Variants in CRBN observed in about 807,000 individuals in gnomAD.
CRBN encodes the protein cereblon.
In CRBN, 53 loss-of-function variants were observed where a neutral mutation model predicts 62.2. That is an observed-to-expected ratio of 0.85 (90% CI 0.68 to 1.07). The LOEUF is 1.07. Among genes scored for constraint, CRBN ranks in the 50% least tolerant of loss-of-function variants. CRBN has a pLI of 0.00. For synonymous variants in CRBN, 208 were observed against 176.1 expected (o/e 1.18, Z -1.43); for missense variants, 616 against 531.1 (o/e 1.16, Z -1.57).
intron 1 of CRBN, among the ~76,000 whole-genome samples, chr3:3,177,833 T>A (rs1444513208): frequency 6.6e-6 from 1 of 152,180 alleles, no homozygotes; most frequent in Non-Finnish European, 1.5e-5. Flanking sequence ...AATATAAAGC[T>A]TTTTGTTGGA....
rs368143450 is a variant in CRBN at position 3,170,322 on chromosome 3, A to C, written c.527+2454T>G. Reference sequence around the variant, plus strand: ...AATAAATGAAGTGTCATTTAGGTAAAAGATGGATATTTATATTTTTTAATT... The same window carrying C: ...AATAAATGAAGTGTCATTTAGGTAACAGATGGATATTTATATTTTTTAATT... On this transcript the variant is annotated intron_variant, in intron 4 of 10. Transcript: ENST00000231948. Among the ~76,000 whole-genome samples, 106 of 152,326 alleles carry C rather than the reference A, an allele frequency of 7.0e-4. 3 individuals carry two copies. The South Asian group carries it at 0.021, about 31-fold the overall frequency.
At chr3:3,153,875 C>G (rs564936908) in intron 8 of CRBN, 85 bp downstream of exon 8, 5 of 816,234 alleles carry the variant, frequency 6.1e-6, no homozygotes, top group Non-Finnish European at 1.1e-5. Context: ...GGACTCTATA[C>G]AGAGCTCCAT....
At chr3:3,170,187 G>C (rs1044886363) in intron 4 of CRBN, among the ~76,000 whole-genome samples, 1 of 152,116 alleles carries the variant, frequency 6.6e-6, no homozygotes, top group Admixed American at 6.6e-5. Flanking sequence ...CACCATGTTG[G>C]CCAAGCTGGT....
chr3:3,153,937 A>G, intron 8 of CRBN, 23 bp downstream of exon 8: 1 of 1,449,362 alleles, frequency 6.9e-7, no homozygotes, highest in Non-Finnish European at 9.7e-7. Flanking sequence ...CATGGGCATC[A>G]AAAACATATT....
Position 3,152,484 on chromosome 3 carries a change from G to A in CRBN, c.1120C>T (p.Pro374Ser). The A allele has an allele frequency of 1.2e-6, 2 of 1,613,826 alleles. No individual in the cohort carries two copies. Among genetic ancestry groups the A allele is most frequent in the Non-Finnish European group, 1.7e-6 (2 of 1,179,942 alleles). The stretch of plus-strand genomic sequence containing the variant: ...GGAAACCAGCTGTGTTCTGTAGAAG[G>A]CCGGCCTATCAGATTCAAGTTGCAA... ...KACNLNLIGRPSTEHSWFPGY... is the reference protein window; with the variant it reads ...KACNLNLIGRSSTEHSWFPGY... The change falls in exon 10 of 11, where the codon CCT becomes TCT. Residue 374 changes from proline (P) to serine (S), a missense_variant. Transcript: ENST00000231948.
chr3:3,172,209 TA>T (rs1273240180), intron 4 of CRBN: 1 of 154,094 alleles, frequency 6.5e-6, no homozygotes, highest in African/African-American at 2.4e-5. Flanking sequence ...ATTTATTATG[TA>T]AATAGCATTT....
chr3:3,169,826 C>G (rs1707524085), intron 4 of CRBN, among the ~76,000 whole-genome samples: 1 of 151,988 alleles, frequency 6.6e-6, no homozygotes, highest in African/African-American at 2.4e-5. Flanking sequence ...ATATCAATCC[C>G]CTCCTCCTCT....
At position 3,152,150 on chromosome 3, in the gene CRBN, A is replaced by ATTTTTTTTTTTTTTTTTTTTTTTTTT; in HGVS notation, c.1148+305_1148+306insAAAAAAAAAAAAAAAAAAAAAAAAAA. On this transcript the variant is annotated intron_variant, in intron 10 of 10. Transcript: ENST00000231948. ...TGTGGAATGAAGGACATTTAAATAA[A>ATTTTTTTTTTTTTTTTTTTTTTTTTT]TTTTTTTTTTTTTTTAAATAGACAG... 1.4e-5 allele frequency among the ~76,000 whole-genome samples: 2 copies of ATTTTTTTTTTTTTTTTTTTTTTTTTT among 147,096 alleles called. 1 individual carries two copies. The highest frequency in any genetic ancestry group is 5.1e-5 in the African/African-American group (2 of 39,528).
chr3:3,166,895 G>C (rs531678285), intron 5 of CRBN, among the ~76,000 whole-genome samples: 2 of 151,508 alleles, frequency 1.3e-5, no homozygotes, highest in Admixed American at 1.3e-4. Flanking sequence ...ATGATTAATA[G>C]AGAATTTTTA....
rs1707724399 is a variant in CRBN, at chr3:3,173,844, G to A, written c.377+215C>T. ...TTCAAATACCAGAAAGTTAAATTGT[G>A]TATGAAGGTGAAGAGCTGAGTTAGA... On this transcript the variant is annotated intron_variant, in intron 3 of 10. Coordinates refer to ENST00000231948, the MANE Select transcript of CRBN (RefSeq NM_016302.4). 15 of 584,670 alleles carry A rather than the reference G, an allele frequency of 2.6e-5. No homozygotes were observed. In the South Asian group the frequency reaches 3.1e-4, roughly 12 times the overall value. 36.2% of individuals were successfully genotyped at this position (584,670 alleles called of 1,614,324 possible). A position where few individuals can be genotyped will look rare whatever the true frequency, so the allele number is the denominator to read the frequency against.
At chr3:3,175,336 T>G (rs956389049) in intron 1 of CRBN, 67 bp from the exon 2 acceptor site, 2 of 1,192,210 alleles carry the variant, frequency 1.7e-6, no homozygotes, top group Non-Finnish European at 1.2e-6. Flanking sequence ...ATGTAATTCC[T>G]TCTTCAAAAG....
At chr3:3,154,713 C>T (rs1212103778) in intron 7 of CRBN, 34 bp downstream of exon 7, 5 of 1,177,012 alleles carry the variant, frequency 4.2e-6, no homozygotes, top group African/African-American at 3.0e-5. Flanking sequence ...AGCAAGACAT[C>T]CCAGGCTCCA....
chr3:3,164,511 G>C lies in CRBN; in HGVS notation c.687+3123C>G, dbSNP rs148280196. Among the ~76,000 whole-genome samples the C allele has an allele frequency of 8.1e-3, 1,228 of 152,284 alleles. 9 individuals carry two copies. Among genetic ancestry groups the C allele is most frequent in the African/African-American group, 0.028 (1,144 of 41,550 alleles). ...CTGGTGACTTTAAGTTAAAGCCAAT[G>C]CTCACTGGCCATTCCAAAAATCCTA... is the stretch of plus-strand genomic sequence containing the variant. On this transcript the variant is annotated intron_variant, in intron 5 of 10. Coordinates refer to ENST00000231948, the MANE Select transcript of CRBN (RefSeq NM_016302.4).
intron 7 of CRBN, 108 bp from the exon 8 acceptor site, chr3:3,154,183 CA>C (rs1706771679): frequency 4.1e-6 from 3 of 726,482 alleles, no homozygotes; most frequent in Non-Finnish European, 2.5e-6. Flanking sequence ...TTTAAGGTTA[CA>C]CATTTTATAC....
intron 7 of CRBN, 130 bp downstream of exon 7, chr3:3,154,617 A>G (rs1253617645): frequency 3.0e-6 from 2 of 668,910 alleles, no homozygotes; most frequent in East Asian, 2.7e-5. Context: ...AAAGGAAATT[A>G]TGCTTTTCAG....
intron 9 of CRBN, 179 bp downstream of exon 9, chr3:3,153,245 T>C: frequency 1.8e-6 from 1 of 562,174 alleles, no homozygotes; most frequent in Admixed American, 3.1e-5. Flanking sequence ...ACATGCATTG[T>C]TGCTCTGAGT....
At chr3:3,170,478 T>G (rs558682169) in intron 4 of CRBN, among the ~76,000 whole-genome samples, 3 of 152,174 alleles carry the variant, frequency 2.0e-5, no homozygotes, top group Non-Finnish European at 4.4e-5. Context: ...GGAGTACCAG[T>G]TTGGAAGTCA....
intron 1 of CRBN, among the ~76,000 whole-genome samples, chr3:3,177,068 T>C (rs1220031045): frequency 2.0e-5 from 3 of 152,144 alleles, no homozygotes; most frequent in African/African-American, 7.2e-5. Context: ...AGGCCAGGGA[T>C]GCAGCTAAAT....
chr3:3,158,168 A>G (rs1219105700), intron 5 of CRBN, among the ~76,000 whole-genome samples: 3 of 152,254 alleles, frequency 2.0e-5, no homozygotes, highest in African/African-American at 7.2e-5. Context: ...CAAGTGCATT[A>G]CATTTATCAT....
Sources: allele counts gnomAD v4.1 joint callset (sites outside exome capture counted in the v4.1 genomes callset), GRCh38; gene constraint gnomAD v4.1.1; transcripts MANE v1.5; gene names NCBI Gene and HGNC (gene_info 2026-07-23, HGNC 2026-07-21).